The following ZFPM1 variants were observed in gnomAD, a reference collection of about 807,000 sequenced individuals.
ZFPM1 encodes zinc finger protein ZFPM1.
ZFPM1 carries 28 observed loss-of-function variants against 46.3 expected under a neutral mutation model. That is an observed-to-expected ratio of 0.60 (90% CI 0.45 to 0.83). The LOEUF (loss-of-function observed/expected upper bound fraction) is 0.83. Among genes scored for constraint, ZFPM1 ranks in the 40% least tolerant of loss-of-function variants. ZFPM1 has a pLI of 0.00. For synonymous variants in ZFPM1, 957 were observed against 675.9 expected (o/e 1.42, Z -6.45); for missense variants, 1,878 against 1,432.4 (o/e 1.31, Z -5.02).
rs1021260739 is a variant in ZFPM1, at chr16:88,535,857, C to T, written c.*878C>T. On this transcript the variant is annotated 3_prime_UTR_variant, in exon 10 of 10. Coordinates refer to ENST00000319555, the MANE Select transcript of ZFPM1 (RefSeq NM_153813.3). ...CACTGAGGGAGTACTTGGCTGACCG[C>T]GTTCAGCCACGGTGTCACCGTGCCG... The T allele has an allele frequency of 7.9e-5, 12 of 151,956 alleles. No individual in the cohort carries two copies. Among genetic ancestry groups the T allele is most frequent in the Admixed American group, 2.0e-4 (3 of 15,260 alleles). 9.4% of individuals were successfully genotyped at this position (151,956 alleles called of 1,614,324 possible).
intron 4 of ZFPM1, among the ~76,000 whole-genome samples, chr16:88,517,242 G>GTGGATGGA (rs1555527342): frequency 5.6e-4 from 32 of 56,940 alleles, no homozygotes; most frequent in Middle Eastern, 0.018. Context: ...GGGTGGGTGG[G>GTGGATGGA]TGGATGGATG....
intron 4 of ZFPM1, among the ~76,000 whole-genome samples, chr16:88,517,699 T>C (rs1385781361): frequency 7.0e-6 from 1 of 143,148 alleles, no homozygotes; most frequent in Non-Finnish European, 1.5e-5. Flanking sequence ...GATGTATGGG[T>C]GGATGGATGA....
intron 4 of ZFPM1, chr16:88,516,327 G>T (rs1014649170): frequency 2.0e-5 from 8 of 397,758 alleles, no homozygotes; most frequent in Non-Finnish European, 3.1e-5. Context: ...GCCTGCCTCC[G>T]CATTTAGTCC....
At chr16:88,466,353 C>T (rs1032750687) in intron 1 of ZFPM1, among the ~76,000 whole-genome samples, 1 of 152,170 alleles carries the variant, frequency 6.6e-6, no homozygotes, top group African/African-American at 2.4e-5. Context: ...GAAGGCTCAG[C>T]GAGGTTGAGT....
Position 88,453,678 on chromosome 16 carries a change from C to T in ZFPM1, c.40C>T (p.Arg14Cys), listed in dbSNP as rs1262745344. The change falls in exon 1 of 10, where the codon CGT becomes TGT. Residue 14 changes from arginine (R) to cysteine (C), a missense_variant and splice_region_variant. Physicochemically the swap from Arg to Cys is radical, Grantham distance 180. Coordinates refer to ENST00000319555, the MANE Select transcript of ZFPM1 (RefSeq NM_153813.3). Reference protein sequence around the residue: ...RKQSNPRQIKRSLGDMEAREE... With the variant: ...RKQSNPRQIKCSLGDMEAREE... The stretch of plus-strand genomic sequence containing the variant: ...ACAGAGCAACCCCCGGCAGATCAAG[C>T]GTGAGTCAAACTTTGCCCGCGGTCC... The T allele has an allele frequency of 2.5e-6, 3 of 1,199,976 alleles. No individual in the cohort carries two copies. Among genetic ancestry groups the T allele is most frequent in the Non-Finnish European group, 2.1e-6 (2 of 949,328 alleles). 74.3% of individuals were successfully genotyped at this position (1,199,976 alleles called of 1,614,324 possible).
intron 3 of ZFPM1, among the ~76,000 whole-genome samples, chr16:88,499,196 G>C (rs1465378969): frequency 6.6e-6 from 1 of 152,122 alleles, no homozygotes; most frequent in African/African-American, 2.4e-5. Context: ...GCCGCCTCCT[G>C]AACCTGGCCC....
intron 2 of ZFPM1, among the ~76,000 whole-genome samples, chr16:88,487,054 G>T (rs549103493): frequency 2.8e-4 from 42 of 152,314 alleles, no homozygotes; most frequent in African/African-American, 9.1e-4. Context: ...CCAATTCCAT[G>T]GGGCAGGGCA....
rs929460955 is a variant in ZFPM1 at position 88,528,348 on chromosome 16, G to C, written c.712+110G>C. On this transcript the variant is annotated intron_variant, in intron 6 of 9. Transcript: ENST00000319555. ...GGAAGCTCGGGGGCTGCAGGCTGCC[G>C]ACAGAGTGAGAGGTAAGGCAGGGAA... 37 of 1,226,778 alleles carry C rather than the reference G, an allele frequency of 3.0e-5. No individual in the cohort carries two copies. In the East Asian group the frequency reaches 9.6e-4, roughly 32 times the overall value. The allele number at this position is 1,226,778 out of a possible 1,614,324, so 76.0% of individuals were successfully genotyped here.
At position 88,532,183 on chromosome 16, in the gene ZFPM1, C is replaced by T; in HGVS notation, c.894C>T (p.Arg298=). The T allele has an allele frequency of 1.2e-6, 2 of 1,611,286 alleles. No homozygotes were observed. Among genetic ancestry groups the T allele is most frequent in the East Asian group, 2.2e-5 (1 of 44,830 alleles). ...GCGTCTGCCCCTTCCCCCAGTGCCGCAAGAGCTGCCCCAGCGCCAGCTCCC... is the reference window on the plus strand; with the variant it reads ...GCGTCTGCCCCTTCCCCCAGTGCCGTAAGAGCTGCCCCAGCGCCAGCTCCC... The part of the protein sequence containing the change: ...NERVCPFPQC[R]KSCPSASSLE... Residue 298 remains arginine (R), a synonymous_variant, in exon 7 of 10, where the codon CGC becomes CGT. Transcript: ENST00000319555.
chr16:88,492,778 A>G (rs1909651879), intron 3 of ZFPM1, among the ~76,000 whole-genome samples: 1 of 151,624 alleles, frequency 6.6e-6, no homozygotes, highest in African/African-American at 2.4e-5. Flanking sequence ...GTGGTCCCAG[A>G]CTCCCTGGAG....
At chr16:88,487,349 A>G (rs932539708) in intron 2 of ZFPM1, among the ~76,000 whole-genome samples, 1 of 152,154 alleles carries the variant, frequency 6.6e-6, no homozygotes, top group Non-Finnish European at 1.5e-5. Context: ...CCCTTTGCAC[A>G]CAGACTGTGA....
At chr16:88,523,485 C>T (rs1462651790) in intron 4 of ZFPM1, among the ~76,000 whole-genome samples, 1 of 152,130 alleles carries the variant, frequency 6.6e-6, no homozygotes, top group Non-Finnish European at 1.5e-5. Context: ...CCCGGGCTGG[C>T]TTCAGGGGTC....
chr16:88,531,942 GC>G, intron 6 of ZFPM1, 59 bp from the exon 7 acceptor site: 1 of 1,516,702 alleles, frequency 6.6e-7, no homozygotes, highest in Non-Finnish European at 8.9e-7. Flanking sequence ...TCCGCCCACA[GC>G]CTTGCCCTGG....
intron 1 of ZFPM1, among the ~76,000 whole-genome samples, chr16:88,455,441 G>C (rs1457998534): frequency 6.6e-6 from 1 of 151,874 alleles, no homozygotes; most frequent in Admixed American, 6.6e-5. Context: ...TGTCGCTCGC[G>C]GCCCGGGGCG....
chr16:88,469,332 G>A lies in ZFPM1; in HGVS notation c.40+15654G>A, dbSNP rs967279637. On this transcript the variant is annotated intron_variant, in intron 1 of 9. Transcript: ENST00000319555. The surrounding 1 kb of genome is among the most constrained non-coding windows in gnomAD (Gnocchi z 4.3). ...CCTCAGCCTCCCCATCTGTAAAACC[G>A]GAAGGCGGTCTAGTAGGTCTGCCTC... is the stretch of plus-strand genomic sequence containing the variant. 9.9e-5 allele frequency among the ~76,000 whole-genome samples: 15 copies of A among 152,226 alleles called. No individual in the cohort carries two copies. Among genetic ancestry groups the A allele is most frequent in the African/African-American group, 1.4e-4 (6 of 41,446 alleles).
At chr16:88,461,453 C>G (rs1397653903) in intron 1 of ZFPM1, among the ~76,000 whole-genome samples, 2 of 152,176 alleles carry the variant, frequency 1.3e-5, no homozygotes, top group Non-Finnish European at 2.9e-5. Context: ...ACAGCGCAAC[C>G]TCACGTCCTG....
At chr16:88,525,940 A>G (rs78597839) in intron 4 of ZFPM1, among the ~76,000 whole-genome samples, 7,504 of 152,336 alleles carry the variant, frequency 0.049, 572 homozygotes, top group East Asian at 0.21. Flanking sequence ...CACCGCCGAC[A>G]GCATGGCATG....
In ZFPM1 at chr16:88,526,929, C is replaced by T. The variant is rs558532362; in HGVS notation, c.505+13C>T. 100 of 1,556,086 alleles carry T rather than the reference C, an allele frequency of 6.4e-5. 2 individuals are homozygous for T. The highest frequency in any genetic ancestry group is 6.4e-4 in the South Asian group (54 of 84,332). On this transcript the variant is annotated intron_variant, in intron 5 of 9. Coordinates refer to ENST00000319555, the MANE Select transcript of ZFPM1 (RefSeq NM_153813.3). ...ATCCACAGGAAGGGTCAGTATGACG[C>T]GGCACCTCCGTCCCAAGCCTTCCGG...
chr16:88,519,048 A>AGATAGATG (rs1911582100), intron 4 of ZFPM1, among the ~76,000 whole-genome samples: 1 of 107,924 alleles, frequency 9.3e-6, no homozygotes, highest in Non-Finnish European at 1.8e-5. Flanking sequence ...GTGGATGGAT[A>AGATAGATG]GATGGATGGA....
Sources: gnomAD v4.1 joint callset for allele counts (sites outside exome capture counted in the v4.1 genomes callset) on GRCh38, gnomAD v4.1.1 for gene constraint, Gnocchi (gnomAD v3.1) non-coding constraint, MANE v1.5 for transcripts, NCBI Gene and HGNC (gene_info 2026-07-23, HGNC 2026-07-21) for gene names.